Variants in PSEN1 observed in about 807,000 individuals in gnomAD.
PSEN1 encodes presenilin-1.
A neutral mutation model predicts 53.5 loss-of-function variants in PSEN1; 15 were observed. That is an observed-to-expected ratio of 0.28 (90% CI 0.19 to 0.43). The LOEUF (loss-of-function observed/expected upper bound fraction) is 0.43. PSEN1 is among the 20% of genes least tolerant of loss of function. The pLI, the probability that PSEN1 is intolerant of heterozygous loss-of-function variation, is 1.00. For missense variants in PSEN1, 387 were observed against 571.2 expected, an observed-to-expected ratio of 0.68 and a Z score of 3.29; for synonymous variants, 208 against 209.8, an observed-to-expected ratio of 0.99 and a Z score of 0.08.
At chr14:73,174,151 A>G (rs1217840067) in intron 5 of PSEN1, 1 of 196,548 alleles carries the variant, frequency 5.1e-6, no homozygotes, top group Admixed American at 5.5e-5. Context: ...GTCTCAAAAA[A>G]TAAAAGCAGA....
At chr14:73,184,791 C>T (rs1204666611) in intron 5 of PSEN1, among the ~76,000 whole-genome samples, 1 of 144,978 alleles carries the variant, frequency 6.9e-6, no homozygotes, top group African/African-American at 2.6e-5. Context: ...CGGGCGGAGA[C>T]GCTCCTCACT....
At chr14:73,192,413 C>T (rs1016696500) in intron 6 of PSEN1, among the ~76,000 whole-genome samples, 1 of 151,904 alleles carries the variant, frequency 6.6e-6, no homozygotes, top group Non-Finnish European at 1.5e-5. Flanking sequence ...TTTACTCCAG[C>T]CTGGGCAACA....
intron 2 of PSEN1, 36 bp downstream of exon 2, chr14:73,147,912 T>C (rs1447184744): frequency 3.5e-6 from 3 of 852,984 alleles, no homozygotes; most frequent in East Asian, 5.2e-5. Context: ...TGAAAGTGTT[T>C]TTTATAACAG....
At chr14:73,176,526 ACTCAGAGTTCTTTCTT>A (rs1898052343) in intron 5 of PSEN1, among the ~76,000 whole-genome samples, 1 of 152,140 alleles carries the variant, frequency 6.6e-6, no homozygotes, top group East Asian at 1.9e-4. Flanking sequence ...GGAGCTCTGG[ACTCAGAGTTCTTTCTT>A]CTAGTAATCT....
chr14:73,186,835 A>G lies in PSEN1; in HGVS notation c.481-18A>G, dbSNP rs765021336. The G allele has an allele frequency of 1.3e-6, 2 of 1,595,218 alleles. No individual in the cohort carries two copies. Among genetic ancestry groups the G allele is most frequent in the Admixed American group, 3.3e-5 (2 of 59,980 alleles). ...GTTGTGGGACCTGTTAATTATATTG[A>G]AATGCTTTCTTTTCTAGGTCATCCA... On this transcript the variant is annotated intron_variant, in intron 5 of 11. Coordinates refer to ENST00000324501, the MANE Select transcript of PSEN1 (RefSeq NM_000021.4).
At chr14:73,174,441 C>A (rs1462347855) in intron 5 of PSEN1, among the ~76,000 whole-genome samples, 1 of 152,168 alleles carries the variant, frequency 6.6e-6, no homozygotes, top group African/African-American at 2.4e-5. Context: ...ACCATGTTGA[C>A]CACACTGGTC....
rs981804183 is a variant in PSEN1, at chr14:73,220,968, C to A, written c.*1679C>A. 69 of 152,366 alleles carry A rather than the reference C, an allele frequency of 4.5e-4. No homozygotes were observed. The highest frequency in any genetic ancestry group is 1.6e-3 in the African/African-American group (67 of 41,544). The allele number at this position is 152,366 out of a possible 1,614,324, so 9.4% of individuals were successfully genotyped here. The stretch of plus-strand genomic sequence containing the variant: ...CCTCCTGTGGCTGAGGAGGGGCCAG[C>A]TTTTTCTTCTTTTGCCTGCTGTTTT... On this transcript the variant is annotated 3_prime_UTR_variant, in exon 12 of 12. Coordinates refer to ENST00000324501, the MANE Select transcript of PSEN1 (RefSeq NM_000021.4).
intron 3 of PSEN1, among the ~76,000 whole-genome samples, chr14:73,162,696 T>C (rs1215771955): frequency 1.3e-5 from 2 of 152,098 alleles, no homozygotes; most frequent in Non-Finnish European, 2.9e-5. Context: ...TACTGATGTG[T>C]AGAAAAATCT....
intron 9 of PSEN1, among the ~76,000 whole-genome samples, chr14:73,206,830 C>T (rs1476975350): frequency 6.6e-6 from 1 of 151,190 alleles, no homozygotes; most frequent in African/African-American, 2.4e-5. Context: ...TAAGAATCTC[C>T]TAAAAGAAAC....
rs776076782 is a variant in PSEN1 at position 73,219,332 on chromosome 14, A to G, written c.*43A>G. On this transcript the variant is annotated 3_prime_UTR_variant, in exon 12 of 12. Transcript: ENST00000324501. ...TCCCATGGATGTTTCTTCTTTGACT[A>G]TAACAAAATCTGGGGAGGACAAAGG... 4 of 1,579,518 alleles carry G rather than the reference A, an allele frequency of 2.5e-6. No homozygotes were observed. Among genetic ancestry groups the G allele is most frequent in the East Asian group, 2.2e-5 (1 of 44,706 alleles).
At chr14:73,159,785 G>A (rs949266289) in intron 3 of PSEN1, among the ~76,000 whole-genome samples, 1 of 152,066 alleles carries the variant, frequency 6.6e-6, no homozygotes, top group African/African-American at 2.4e-5. Flanking sequence ...TCAGCCCGTG[G>A]CAATATGCTT....
At position 73,222,993 on chromosome 14, in the gene PSEN1, A is replaced by G. The variant is rs1882666462; in HGVS notation, c.*3704A>G. Reference sequence around the variant, plus strand: ...ATCATATAATCATAAGTTTGAGCCTAGAAGTGATCCTTGTGATCTTCTCAC... The same window carrying G: ...ATCATATAATCATAAGTTTGAGCCTGGAAGTGATCCTTGTGATCTTCTCAC... On this transcript the variant is annotated 3_prime_UTR_variant, in exon 12 of 12. Coordinates refer to ENST00000324501, the MANE Select transcript of PSEN1 (RefSeq NM_000021.4). 1 of 152,256 alleles carries G rather than the reference A, an allele frequency of 6.6e-6. No individual in the cohort carries two copies. Among genetic ancestry groups the G allele is most frequent in the African/African-American group, 2.4e-5 (1 of 41,474 alleles). The allele number at this position is 152,256 out of a possible 1,614,324, so 9.4% of individuals were successfully genotyped here. A position where few individuals can be genotyped will look rare whatever the true frequency, so the allele number is the denominator to read the frequency against.
chr14:73,138,447 C>T (rs1363726796), intron 1 of PSEN1, among the ~76,000 whole-genome samples: 6 of 150,836 alleles, frequency 4.0e-5, no homozygotes, highest in Non-Finnish European at 8.9e-5. Context: ...TCTCGATCTC[C>T]TGACCTCGTG....
At chr14:73,169,431 T>C (rs1566628611) in intron 3 of PSEN1, 2 of 152,258 alleles carry the variant, frequency 1.3e-5, no homozygotes, top group Non-Finnish European at 2.9e-5. Context: ...AGTGACTTCC[T>C]CTGACTCTTC....
At chr14:73,173,248 T>C (rs1897943813) in intron 4 of PSEN1, among the ~76,000 whole-genome samples, 4 of 152,170 alleles carry the variant, frequency 2.6e-5, no homozygotes, top group Non-Finnish European at 5.9e-5. Context: ...TATAACAAGT[T>C]CCTAATAAGC....
chr14:73,165,684 G>A (rs1897688991), intron 3 of PSEN1, among the ~76,000 whole-genome samples: 1 of 151,274 alleles, frequency 6.6e-6, no homozygotes, highest in African/African-American at 2.4e-5. Context: ...GGAAGCAGAG[G>A]CTGTGGTGAG....
chr14:73,179,953 G>A lies in PSEN1; in HGVS notation c.480+6246G>A, dbSNP rs541385514. ...AACCTTTCTTAATATATTTTTTGTC[G>A]CATTTGTACATCTTTTATCCATCCT... is the stretch of plus-strand genomic sequence containing the variant. On this transcript the variant is annotated intron_variant, in intron 5 of 11. Coordinates refer to ENST00000324501, the MANE Select transcript of PSEN1 (RefSeq NM_000021.4). 3.3e-5 allele frequency among the ~76,000 whole-genome samples: 5 copies of A among 151,982 alleles called. No individual in the cohort carries two copies. The South Asian group carries it at 6.2e-4, about 19-fold the overall frequency.
At chr14:73,164,658 C>CT (rs139058678) in intron 3 of PSEN1, among the ~76,000 whole-genome samples, 5,831 of 152,240 alleles carry the variant, frequency 0.038, 358 homozygotes, top group African/African-American at 0.13. Flanking sequence ...TCCTGGTAGT[C>CT]TGACCCCAGA....
At chr14:73,187,838 G>T (rs1898570763) in intron 6 of PSEN1, among the ~76,000 whole-genome samples, 1 of 152,132 alleles carries the variant, frequency 6.6e-6, no homozygotes, top group Non-Finnish European at 1.5e-5. Flanking sequence ...CTAAAGCCCT[G>T]CAAGTTATCA....
Sources: gnomAD v4.1 joint callset for allele counts (sites outside exome capture counted in the v4.1 genomes callset) on GRCh38, gnomAD v4.1.1 for gene constraint, MANE v1.5 for transcripts, NCBI Gene and HGNC (gene_info 2026-07-23, HGNC 2026-07-21) for gene names.